IQCJ: variants seen among roughly 807,000 people sequenced by gnomAD.
IQCJ encodes the protein IQ motif containing J.
Under a neutral mutation model 11.0 loss-of-function variants are expected in IQCJ, and 9 were observed. That is an observed-to-expected ratio of 0.82 (90% CI 0.49 to 1.43). IQCJ has a LOEUF of 1.43. Ranked by LOEUF, IQCJ falls within the 40% of genes most tolerant of loss-of-function variation. IQCJ has a pLI of 0.00. For synonymous variants in IQCJ, 55 were observed against 51.3 expected (o/e 1.07, Z -0.31); for missense variants, 146 against 133.2 (o/e 1.10, Z -0.47).
chr3:159,229,265 G>A (rs780981425), intron 1 of IQCJ, among the ~76,000 whole-genome samples: 1 of 151,132 alleles, frequency 6.6e-6, no homozygotes, highest in Non-Finnish European at 1.5e-5. Context: ...ACTCCCCAGC[G>A]GTGAGCACAT....
At chr3:159,153,207 G>C (rs1008341287) in intron 1 of IQCJ, among the ~76,000 whole-genome samples, 1 of 152,054 alleles carries the variant, frequency 6.6e-6, no homozygotes, top group Non-Finnish European at 1.5e-5. Context: ...TAAACTTTAA[G>C]GAACAAATGA....
chr3:159,145,532 C>CAA (rs1720877548), intron 1 of IQCJ, among the ~76,000 whole-genome samples: 3 of 150,780 alleles, frequency 2.0e-5, no homozygotes, highest in Non-Finnish European at 4.4e-5. Context: ...ATGTTTGTGA[C>CAA]CAGAAGCATT....
intron 1 of IQCJ, among the ~76,000 whole-genome samples, chr3:159,150,775 C>T (rs1200345669): frequency 1.3e-5 from 2 of 152,118 alleles, no homozygotes; most frequent in African/African-American, 4.8e-5. Context: ...TGTTAGACTG[C>T]CCCATCCTGA....
intron 3 of IQCJ, among the ~76,000 whole-genome samples, chr3:159,255,727 GATCAAAAGAGTGC>G (rs1469863676): frequency 1.3e-5 from 2 of 152,128 alleles, no homozygotes; most frequent in African/African-American, 4.8e-5. Context: ...TAGACCAGAG[GATCAAAAGAGTGC>G]ATCAAAAGGG....
At chr3:159,120,062 A>G (rs1326459231) in intron 1 of IQCJ, among the ~76,000 whole-genome samples, 1 of 152,188 alleles carries the variant, frequency 6.6e-6, no homozygotes, top group Admixed American at 6.5e-5. Context: ...TACTTTATTA[A>G]TATGTGCATT....
intron 1 of IQCJ, among the ~76,000 whole-genome samples, chr3:159,116,859 A>T (rs1023895420): frequency 4.6e-5 from 7 of 151,718 alleles, no homozygotes; most frequent in Admixed American, 1.3e-4. Flanking sequence ...TCTCTTCTTG[A>T]GCTTTCTGTT....
At chr3:159,114,432 C>T (rs147654850) in intron 1 of IQCJ, among the ~76,000 whole-genome samples, 1 of 151,782 alleles carries the variant, frequency 6.6e-6, no homozygotes, top group East Asian at 1.9e-4. Context: ...TGCCTCAGCC[C>T]CCCTCATAGC....
rs556536704 is a variant in IQCJ, at chr3:159,244,690, G to A, written c.10-1153G>A. ...CACTGGAAAGGTTGGAAGGATTGGG[G>A]AGAAGTGGGTGATTAGGCCACATTC... On this transcript the variant is annotated intron_variant, in intron 1 of 3. Transcript: ENST00000397832. Among the ~76,000 whole-genome samples the A allele has an allele frequency of 7.9e-5, 12 of 152,280 alleles. No homozygotes were observed. In the East Asian group the frequency reaches 1.9e-3, roughly 25 times the overall value.
intron 1 of IQCJ, among the ~76,000 whole-genome samples, chr3:159,189,852 T>C (rs1393780181): frequency 2.6e-5 from 4 of 152,114 alleles, no homozygotes; most frequent in Admixed American, 2.0e-4. Flanking sequence ...GACTTCCAAG[T>C]CCTAACTGTT....
At chr3:159,128,886 G>A in intron 1 of IQCJ, among the ~76,000 whole-genome samples, 1 of 152,022 alleles carries the variant, frequency 6.6e-6, no homozygotes, top group Non-Finnish European at 1.5e-5. Flanking sequence ...GTAGCCCCTT[G>A]TTTTCAGAAC....
At chr3:159,202,861 A>G (rs910626109) in intron 1 of IQCJ, among the ~76,000 whole-genome samples, 22 of 152,052 alleles carry the variant, frequency 1.4e-4, no homozygotes, top group African/African-American at 5.1e-4. Context: ...TGTAGAACAT[A>G]ATTTCACAGA....
chr3:159,086,158 A>G (rs1716750390), intron 1 of IQCJ, among the ~76,000 whole-genome samples: 1 of 152,110 alleles, frequency 6.6e-6, no homozygotes, highest in African/African-American at 2.4e-5. Flanking sequence ...TCCCAGCACC[A>G]TTTATTAAAT....
chr3:159,265,491 C>T (rs1305856335), downstream of IQCJ: 1 of 1,025,888 alleles, frequency 9.7e-7, no homozygotes, highest in Admixed American at 2.5e-5. Context: ...CCTCTAACAA[C>T]CATGAGTCCA....
intron 1 of IQCJ, among the ~76,000 whole-genome samples, chr3:159,103,544 T>G (rs897040587): frequency 6.6e-6 from 1 of 152,208 alleles, no homozygotes; most frequent in Admixed American, 6.5e-5. Context: ...ACAGGACAAT[T>G]TAGGACAAAA....
chr3:159,200,937 G>GGAA (rs1472710875), intron 1 of IQCJ, among the ~76,000 whole-genome samples: 1 of 152,048 alleles, frequency 6.6e-6, no homozygotes, highest in Non-Finnish European at 1.5e-5. Context: ...GATTAAAGAA[G>GGAA]GAAATATAGG....
chr3:159,088,849 C>T (rs1442046946), intron 1 of IQCJ, among the ~76,000 whole-genome samples: 3 of 152,144 alleles, frequency 2.0e-5, no homozygotes, highest in African/African-American at 4.8e-5. Context: ...ATACAGCACC[C>T]TGATGGGTCT....
At chr3:159,214,078 A>G (rs1055664695) in intron 1 of IQCJ, among the ~76,000 whole-genome samples, 5 of 152,044 alleles carry the variant, frequency 3.3e-5, no homozygotes, top group African/African-American at 1.2e-4. Flanking sequence ...CTAAATTTCT[A>G]TCCCTAACCT....
chr3:159,092,324 A>C (rs1322169156), intron 1 of IQCJ, among the ~76,000 whole-genome samples: 1 of 151,914 alleles, frequency 6.6e-6, no homozygotes, highest in Non-Finnish European at 1.5e-5. Context: ...GGACAGACCA[A>C]ACAGAAACAT....
At chr3:159,243,136 T>G (rs1010405015) in intron 1 of IQCJ, among the ~76,000 whole-genome samples, 1 of 152,218 alleles carries the variant, frequency 6.6e-6, no homozygotes, top group Non-Finnish European at 1.5e-5. Flanking sequence ...TCTCTTACAT[T>G]GCTGGTTGGA....
Sources: allele counts gnomAD v4.1 joint callset (sites outside exome capture counted in the v4.1 genomes callset), GRCh38; gene constraint gnomAD v4.1.1; transcripts MANE v1.5; gene names NCBI Gene and HGNC (gene_info 2026-07-23, HGNC 2026-07-21).